The following STAU2 variants were observed in gnomAD, a reference collection of about 807,000 sequenced individuals.
STAU2 encodes staufen double-stranded RNA binding protein 2.
STAU2 carries 20 observed loss-of-function variants against 65.9 expected under a neutral mutation model. The ratio of observed to expected loss-of-function variants is 0.30; its 90% confidence interval spans 0.21 to 0.44. STAU2 has a LOEUF of 0.44. STAU2 is among the 20% of genes least tolerant of loss of function. The pLI, the probability that STAU2 is intolerant of heterozygous loss-of-function variation, is 1.00. For missense variants in STAU2, 558 were observed against 683.9 expected, an observed-to-expected ratio of 0.82 and a Z score of 2.05; for synonymous variants, 232 against 233.9, an observed-to-expected ratio of 0.99 and a Z score of 0.07.
At chr8:73,583,390 C>A (rs1314611593) in intron 11 of STAU2, among the ~76,000 whole-genome samples, 1 of 152,102 alleles carries the variant, frequency 6.6e-6, no homozygotes, top group Non-Finnish European at 1.5e-5. Context: ...AAATGATCCA[C>A]CCACTTTGGC....
intron 6 of STAU2, chr8:73,653,982 G>A (rs1302184495): frequency 7.2e-6 from 2 of 279,292 alleles, no homozygotes; most frequent in Non-Finnish European, 1.4e-5. Flanking sequence ...TTAGGAAGAG[G>A]GAAGGGGAGG....
chr8:73,542,407 T>G (rs1806601192), intron 13 of STAU2, among the ~76,000 whole-genome samples: 1 of 152,166 alleles, frequency 6.6e-6, no homozygotes, highest in South Asian at 2.1e-4. Flanking sequence ...TAAAAAGTCT[T>G]TGTGATCTTA....
chr8:73,607,396 C>T (rs1812097733), intron 9 of STAU2, among the ~76,000 whole-genome samples: 1 of 152,028 alleles, frequency 6.6e-6, no homozygotes, highest in Admixed American at 6.6e-5. Flanking sequence ...AACTTATACA[C>T]AAGTTTATAT....
chr8:73,537,337 A>G (rs1239085823), intron 13 of STAU2, among the ~76,000 whole-genome samples: 1 of 152,152 alleles, frequency 6.6e-6, no homozygotes, highest in African/African-American at 2.4e-5. Flanking sequence ...GTAACAGCTT[A>G]AAATTTACCC....
intron 6 of STAU2, among the ~76,000 whole-genome samples, chr8:73,631,110 CTT>C (rs1407276118): frequency 6.6e-6 from 1 of 152,144 alleles, no homozygotes; most frequent in Non-Finnish European, 1.5e-5. Context: ...AATCCCAGCA[CTT>C]TAGGAGGCCA....
chr8:73,550,586 A>G, intron 13 of STAU2: 1 of 977,874 alleles, frequency 1.0e-6, no homozygotes, highest in Non-Finnish European at 1.2e-6. Flanking sequence ...CATCCTACGG[A>G]GATTATAGAT....
At chr8:73,543,154 G>GCTCAGTATACAGT (rs1806660995) in intron 13 of STAU2, among the ~76,000 whole-genome samples, 1 of 152,156 alleles carries the variant, frequency 6.6e-6, no homozygotes, top group Non-Finnish European at 1.5e-5. Context: ...CTGAGTGAAA[G>GCTCAGTATACAGT]ATGCCAGATA....
chr8:73,535,243 C>G (rs1806102442), intron 13 of STAU2, among the ~76,000 whole-genome samples: 1 of 152,092 alleles, frequency 6.6e-6, no homozygotes, highest in Non-Finnish European at 1.5e-5. Flanking sequence ...GATCTTGGCT[C>G]ACTGCAAGCT....
intron 13 of STAU2, among the ~76,000 whole-genome samples, chr8:73,429,413 CTTTTTTTTTTTTTTTTTTTTT>C (rs71561522): frequency 4.9e-4 from 32 of 65,370 alleles, no homozygotes; most frequent in Non-Finnish European, 7.0e-4. Flanking sequence ...TTGCTCAGGT[CTTTTTTTTTTTTTTTTTTTTT>C]TTTTTTTTTT....
chr8:73,727,846 G>T (rs1217737129), intron 3 of STAU2: 2 of 152,198 alleles, frequency 1.3e-5, no homozygotes, highest in African/African-American at 4.8e-5. Context: ...ACATACGAGG[G>T]TTCCAGTTTC....
intron 4 of STAU2, among the ~76,000 whole-genome samples, chr8:73,698,239 G>C (rs1213983828): frequency 6.6e-6 from 1 of 151,930 alleles, no homozygotes; most frequent in African/African-American, 2.4e-5. Context: ...AGGAAGAAAG[G>C]AAAGAAGGAA....
At chr8:73,648,151 C>T (rs542144487) in intron 6 of STAU2, among the ~76,000 whole-genome samples, 2 of 152,294 alleles carry the variant, frequency 1.3e-5, no homozygotes, top group African/African-American at 4.8e-5. Flanking sequence ...TAGTAATTAG[C>T]AGTATCTACA....
At chr8:73,700,087 T>C (rs932633318) in intron 4 of STAU2, among the ~76,000 whole-genome samples, 2 of 151,964 alleles carry the variant, frequency 1.3e-5, no homozygotes, top group Non-Finnish European at 2.9e-5. Flanking sequence ...ACATTTCAAT[T>C]GGTGCCAAAA....
At chr8:73,496,445 G>C (rs1821425411) in intron 13 of STAU2, among the ~76,000 whole-genome samples, 1 of 151,604 alleles carries the variant, frequency 6.6e-6, no homozygotes. Context: ...GGAAAGAACT[G>C]TATCAGGTAT....
rs1810091604 is a variant in STAU2, at chr8:73,582,846, A to G, written c.1162-16T>C. On this transcript the variant is annotated splice_polypyrimidine_tract_variant and intron_variant, in intron 11 of 14. Coordinates refer to ENST00000524300, the MANE Select transcript of STAU2 (RefSeq NM_001164380.2). ...TTTCCCCTGTCTGAAAGATTAAATC[A>G]ATCGTTCAAATCCAGAGAAACAAGC... The G allele has an allele frequency of 1.9e-6, 3 of 1,605,906 alleles. No homozygotes were observed. The highest frequency in any genetic ancestry group is 2.7e-5 in the African/African-American group (2 of 74,630).
intron 13 of STAU2, among the ~76,000 whole-genome samples, chr8:73,539,289 C>T (rs956143555): frequency 1.3e-5 from 2 of 152,232 alleles, no homozygotes; most frequent in African/African-American, 2.4e-5. Context: ...AATCAATAGA[C>T]ACCAAACTCA....
chr8:73,617,024 C>T (rs919179690), intron 7 of STAU2, among the ~76,000 whole-genome samples: 15 of 152,156 alleles, frequency 9.9e-5, no homozygotes, highest in Admixed American at 9.2e-4. Context: ...ATTCAATAAA[C>T]ATAGTATGAA....
chr8:73,607,455 C>T (rs926454044), intron 9 of STAU2, among the ~76,000 whole-genome samples: 1 of 151,942 alleles, frequency 6.6e-6, no homozygotes, highest in East Asian at 1.9e-4. Context: ...TCAGGCCGGG[C>T]GTGATGGCTC....
intron 4 of STAU2, among the ~76,000 whole-genome samples, chr8:73,704,473 T>C (rs530683802): frequency 6.6e-6 from 1 of 152,312 alleles, no homozygotes; most frequent in East Asian, 1.9e-4. Flanking sequence ...CTAGTCATAA[T>C]GACGGTGTAG....
Sources: allele counts gnomAD v4.1 joint callset (sites outside exome capture counted in the v4.1 genomes callset), GRCh38; gene constraint gnomAD v4.1.1; transcripts MANE v1.5; gene names NCBI Gene and HGNC (gene_info 2026-07-23, HGNC 2026-07-21).